AKT3: variants seen among roughly 807,000 people sequenced by gnomAD.
AKT3 encodes AKT serine/threonine kinase 3.
A neutral mutation model predicts 65.3 loss-of-function variants in AKT3; 15 were observed. The observed-to-expected ratio is 0.23, with a 90% confidence interval of 0.15 to 0.35. AKT3 has a LOEUF of 0.35. AKT3 is among the 10% of genes least tolerant of loss of function. The pLI, the probability that AKT3 is intolerant of heterozygous loss-of-function variation, is 1.00. For synonymous variants in AKT3, 206 were observed against 183.8 expected (o/e 1.12, Z -0.98); for missense variants, 243 against 576.5 (o/e 0.42, Z 5.92).
intron 2 of AKT3, among the ~76,000 whole-genome samples, chr1:243,802,539 G>C (rs1692441262): frequency 6.6e-6 from 1 of 152,094 alleles, no homozygotes; most frequent in Non-Finnish European, 1.5e-5. Context: ...TAGCAAGTTT[G>C]GGAAGAGAAG....
At chr1:243,700,762 A>G (rs905599046) in intron 2 of AKT3, among the ~76,000 whole-genome samples, 3 of 152,160 alleles carry the variant, frequency 2.0e-5, no homozygotes, top group African/African-American at 7.2e-5. Flanking sequence ...TTGGCATCCC[A>G]AAGTGGTGGG....
At chr1:243,552,980 T>G (rs1486057591) in intron 10 of AKT3, 37 bp from the exon 11 acceptor site, 6 of 1,450,036 alleles carry the variant, frequency 4.1e-6, no homozygotes, top group Non-Finnish European at 5.7e-6. Flanking sequence ...AATTATTACA[T>G]GTTAACTTTT....
intron 12 of AKT3, among the ~76,000 whole-genome samples, chr1:243,523,501 T>A (rs1488744420): frequency 6.6e-6 from 1 of 152,196 alleles, no homozygotes; most frequent in Non-Finnish European, 1.5e-5. Context: ...TTTTTGAGCA[T>A]CTCTTCAATG....
chr1:243,812,219 A>G (rs898560196), intron 2 of AKT3, among the ~76,000 whole-genome samples: 1 of 152,232 alleles, frequency 6.6e-6, no homozygotes, highest in African/African-American at 2.4e-5. Flanking sequence ...AGAAACTACC[A>G]TCAGAGTGAA....
At chr1:243,699,482 TA>T (rs1685288525) in intron 2 of AKT3, among the ~76,000 whole-genome samples, 1 of 18,876 alleles carries the variant, frequency 5.3e-5, no homozygotes, top group Non-Finnish European at 2.1e-4. Context: ...TATATATATA[TA>T]TATATATATA....
At chr1:243,738,465 C>T (rs184041194) in intron 2 of AKT3, among the ~76,000 whole-genome samples, 15 of 152,254 alleles carry the variant, frequency 9.9e-5, no homozygotes, top group African/African-American at 3.4e-4. Flanking sequence ...ACTGTTAGGG[C>T]TTCAACTTTA....
intron 3 of AKT3, among the ~76,000 whole-genome samples, chr1:243,690,885 G>A (rs72761643): frequency 9.9e-5 from 15 of 152,132 alleles, no homozygotes; most frequent in Admixed American, 2.0e-4. Flanking sequence ...GAGAAATCTC[G>A]ACTAGATGTT....
intron 2 of AKT3, among the ~76,000 whole-genome samples, chr1:243,791,661 T>C (rs1296313256): frequency 6.6e-6 from 1 of 152,166 alleles, no homozygotes; most frequent in Admixed American, 6.5e-5. Context: ...TCTTGCCCCC[T>C]TCCCTCGTCA....
chr1:243,671,752 T>C (rs1212370433), intron 3 of AKT3, among the ~76,000 whole-genome samples: 1 of 152,144 alleles, frequency 6.6e-6, no homozygotes, highest in East Asian at 1.9e-4. Flanking sequence ...AGGAAAAACC[T>C]AAAAGGTGTT....
intron 2 of AKT3, among the ~76,000 whole-genome samples, chr1:243,813,676 T>C (rs1440150267): frequency 3.3e-5 from 5 of 152,208 alleles, no homozygotes; most frequent in Non-Finnish European, 7.3e-5. Context: ...GGCATAATTA[T>C]GAAATATGAT....
At position 243,501,141 on chromosome 1, in the gene AKT3, C is replaced by A; in HGVS notation, c.*4108G>T. ...CACTCTGGTCCCAAAAGCCATTCCT[C>A]TGTCTGGCTTCGTCACAGGAGCAAA... On this transcript the variant is annotated 3_prime_UTR_variant, in exon 14 of 14. Transcript: ENST00000673466. The A allele has an allele frequency of 4.3e-6, 1 of 231,458 alleles. No individual in the cohort carries two copies. The allele number at this position is 231,458 out of a possible 1,614,324, so 14.3% of individuals were successfully genotyped here. A position where few individuals can be genotyped will look rare whatever the true frequency, so the allele number is the denominator to read the frequency against.
intron 5 of AKT3, among the ~76,000 whole-genome samples, chr1:243,642,302 C>CT (rs957424207): frequency 1.1e-4 from 16 of 152,032 alleles, no homozygotes; most frequent in Middle Eastern, 6.8e-3. Context: ...ACAGTAAGTC[C>CT]TTTTTTTTGT....
At chr1:243,844,968 G>C (rs967879225) in intron 1 of AKT3, among the ~76,000 whole-genome samples, 4 of 152,112 alleles carry the variant, frequency 2.6e-5, no homozygotes, top group African/African-American at 9.7e-5. Context: ...ATGTGGTCAA[G>C]AATCATATCA....
rs188571104 is a variant in AKT3 at position 243,671,154 on chromosome 1, T to C, written c.173-6271A>G. Among the ~76,000 whole-genome samples, 779 of 151,064 alleles carry C rather than the reference T, an allele frequency of 5.2e-3. 8 individuals are homozygous for C. The highest frequency in any genetic ancestry group is 0.018 in the African/African-American group (738 of 41,016). On this transcript the variant is annotated intron_variant, in intron 3 of 13. Transcript: ENST00000673466. Reference sequence around the variant, plus strand: ...AGTGCAGTGGCGCAATCTCGGCTCATGCAAGCTCCACCTCCCGGGTTCATG... The same window carrying C: ...AGTGCAGTGGCGCAATCTCGGCTCACGCAAGCTCCACCTCCCGGGTTCATG...
At chr1:243,713,697 T>C (rs1686299154) in intron 2 of AKT3, among the ~76,000 whole-genome samples, 1 of 125,606 alleles carries the variant, frequency 8.0e-6, no homozygotes, top group Non-Finnish European at 1.6e-5. Context: ...TGTGCTTCCC[T>C]ACAATGCAGC....
At chr1:243,843,579 T>C in intron 1 of AKT3, 1 of 1,017,984 alleles carries the variant, frequency 9.8e-7, no homozygotes, top group Non-Finnish European at 1.2e-6. Context: ...GTGATGTGTA[T>C]TTGAGGTGAA....
intron 9 of AKT3, among the ~76,000 whole-genome samples, chr1:243,564,601 C>T (rs1443717363): frequency 6.6e-6 from 1 of 152,036 alleles, no homozygotes; most frequent in Non-Finnish European, 1.5e-5. Context: ...AAAGCCAACA[C>T]AATTAGAAAT....
At chr1:243,601,932 C>G (rs1328548351) in intron 8 of AKT3, among the ~76,000 whole-genome samples, 1 of 152,130 alleles carries the variant, frequency 6.6e-6, no homozygotes, top group Non-Finnish European at 1.5e-5. Flanking sequence ...TTTTCCCTCC[C>G]TTGAAATACC....
intron 7 of AKT3, among the ~76,000 whole-genome samples, chr1:243,614,159 T>A (rs1678110614): frequency 6.6e-6 from 1 of 152,140 alleles, no homozygotes; most frequent in Non-Finnish European, 1.5e-5. Flanking sequence ...ACAACATCAC[T>A]TTTTGCATAT....
Sources: gnomAD v4.1 joint callset for allele counts (sites outside exome capture counted in the v4.1 genomes callset) on GRCh38, gnomAD v4.1.1 for gene constraint, MANE v1.5 for transcripts, NCBI Gene and HGNC (gene_info 2026-07-23, HGNC 2026-07-21) for gene names.